MAGI3: variants seen among roughly 807,000 people sequenced by gnomAD.
MAGI3 encodes the protein membrane associated guanylate kinase, WW and PDZ domain containing 3.
In MAGI3, 43 loss-of-function variants were observed where a neutral mutation model predicts 121.8. That is an observed-to-expected ratio of 0.35 (90% CI 0.28 to 0.46). The LOEUF is 0.46. MAGI3 is among the 20% of genes least tolerant of loss of function. MAGI3 has a pLI of 1.00. For missense variants in MAGI3, 1,547 were observed against 1,797.3 expected (o/e 0.86, Z 2.52); for synonymous variants, 553 against 639.3 (o/e 0.86, Z 2.04).
Position 113,641,920 on chromosome 1 carries a change from T to G in MAGI3, c.1370T>G (p.Ile457Ser). 1 of 1,581,584 alleles carries G rather than the reference T, an allele frequency of 6.3e-7. No individual in the cohort carries two copies. Among genetic ancestry groups the G allele is most frequent in the Non-Finnish European group, 8.7e-7 (1 of 1,155,372 alleles). ...QDGKIAPGDVIVDINGNCVLG... is the reference protein window; with the variant it reads ...QDGKIAPGDVSVDINGNCVLG... ...GATTATGTTTTTCCAGGCGATGTTA[T>G]TGTAGACATCAATGGCAACTGTGTC... The change falls in exon 10 of 21, where the codon ATT becomes AGT. Residue 457 changes from isoleucine to serine, a missense_variant. Ile to Ser is a moderately radical substitution (Grantham distance 142). Transcript: ENST00000307546.
chr1:113,679,008 T>C (rs1441581072), intron 19 of MAGI3, among the ~76,000 whole-genome samples: 1 of 152,264 alleles, frequency 6.6e-6, no homozygotes, highest in Admixed American at 6.5e-5. Context: ...GAGTATTTGC[T>C]TTTTGGAATT....
chr1:113,398,998 A>G (rs1055674196), intron 1 of MAGI3, among the ~76,000 whole-genome samples: 1 of 152,204 alleles, frequency 6.6e-6, no homozygotes, highest in Non-Finnish European at 1.5e-5. Context: ...TAGGCTAAGA[A>G]GAAATTTATT....
intron 1 of MAGI3, among the ~76,000 whole-genome samples, chr1:113,401,888 T>G (rs993981122): frequency 1.3e-5 from 2 of 152,214 alleles, no homozygotes; most frequent in Non-Finnish European, 2.9e-5. Flanking sequence ...ATGGATCCTT[T>G]GAAGAGGCAG....
intron 2 of MAGI3, among the ~76,000 whole-genome samples, chr1:113,574,639 T>G (rs1382931712): frequency 6.6e-6 from 1 of 152,360 alleles, no homozygotes; most frequent in East Asian, 1.9e-4. Flanking sequence ...CATTTCAACC[T>G]TAGAGAATCT....
intron 9 of MAGI3, among the ~76,000 whole-genome samples, chr1:113,639,015 G>A (rs373094785): frequency 7.9e-5 from 12 of 152,354 alleles, no homozygotes; most frequent in East Asian, 1.9e-4. Context: ...GTGAGACTCC[G>A]TGGGCGTAGG....
intron 16 of MAGI3, among the ~76,000 whole-genome samples, chr1:113,670,462 C>A (rs941149939): frequency 6.6e-6 from 1 of 152,166 alleles, no homozygotes; most frequent in Non-Finnish European, 1.5e-5. Context: ...TATCTCTTAT[C>A]TTTAACATGA....
chr1:113,614,602 G>A lies in MAGI3; in HGVS notation c.1020G>A (p.Glu340=). 1 of 1,608,332 alleles carries A rather than the reference G, an allele frequency of 6.2e-7. No individual in the cohort carries two copies. The highest frequency in any genetic ancestry group is 1.1e-5 in the South Asian group (1 of 90,360). The stretch of plus-strand genomic sequence containing the variant: ...TCACTCAATTTTCTTTATTTACAGA[G>A]CTTCCTTATGGCTGGGAGAAAATAG... ...AKAPEDCEDG[E]LPYGWEKIED... is the part of the protein sequence containing the mutation. Residue 340 remains glutamate (E), a splice_region_variant and synonymous_variant, in exon 7 of 21, where the codon GAG becomes GAA. Transcript: ENST00000307546.
rs1411730661 is a variant in MAGI3, at chr1:113,646,551, G to A, written c.2064G>A (p.Met688Ile). The change falls in exon 12 of 21, where the codon ATG becomes ATA. Residue 688 changes from methionine to isoleucine, a missense_variant. By Grantham distance (10) the Met-to-Ile change is conservative. Coordinates refer to ENST00000307546, the MANE Select transcript of MAGI3 (RefSeq NM_001142782.2). ...EAINEPIPQP[M>I]PFPPSIIRSG... ...TAAATGAGCCTATTCCTCAGCCTAT[G>A]CCTTTTCCACCGAGCATTATCAGGT... 6.2e-7 allele frequency: 1 copy of A among 1,613,354 alleles called. No individual in the cohort carries two copies. The highest frequency in any genetic ancestry group is 2.2e-5 in the East Asian group (1 of 44,854).
chr1:113,541,725 T>C (rs1347505316), intron 1 of MAGI3, among the ~76,000 whole-genome samples: 1 of 152,184 alleles, frequency 6.6e-6, no homozygotes, highest in Non-Finnish European at 1.5e-5. Flanking sequence ...ATGTTGATAG[T>C]TGTTAGCTTA....
chr1:113,486,690 CA>C (rs1423156873), intron 1 of MAGI3, among the ~76,000 whole-genome samples: 2 of 128,946 alleles, frequency 1.6e-5, no homozygotes, highest in African/African-American at 2.8e-5. Flanking sequence ...CTTGCGATTT[CA>C]CCCAATCTAG....
chr1:113,617,361 A>T (rs1027297485), intron 7 of MAGI3, among the ~76,000 whole-genome samples: 1 of 152,162 alleles, frequency 6.6e-6, no homozygotes, highest in Non-Finnish European at 1.5e-5. Context: ...TATTTCCCAC[A>T]GCTAGTTATT....
intron 2 of MAGI3, among the ~76,000 whole-genome samples, chr1:113,580,289 T>C (rs1647928036): frequency 2.0e-5 from 3 of 151,946 alleles, no homozygotes; most frequent in African/African-American, 7.3e-5. Context: ...ACATTTATGC[T>C]AGAGATGAAA....
At chr1:113,589,441 T>A (rs768857238) in intron 4 of MAGI3, among the ~76,000 whole-genome samples, 8 of 151,934 alleles carry the variant, frequency 5.3e-5, no homozygotes, top group Non-Finnish European at 8.8e-5. Flanking sequence ...TTAAGCAGAG[T>A]TCTGATTTAG....
At chr1:113,459,097 C>T (rs1654907397) in intron 1 of MAGI3, among the ~76,000 whole-genome samples, 1 of 152,032 alleles carries the variant, frequency 6.6e-6, no homozygotes, top group Non-Finnish European at 1.5e-5. Flanking sequence ...AAATGAATCT[C>T]TTAATATGTT....
In MAGI3 at chr1:113,685,847, A is replaced by G. The variant is rs965230869; in HGVS notation, c.*1833A>G. The G allele has an allele frequency of 2.6e-5, 4 of 152,304 alleles. No individual in the cohort carries two copies. Among genetic ancestry groups the G allele is most frequent in the African/African-American group, 9.7e-5 (4 of 41,442 alleles). 9.4% of individuals were successfully genotyped at this position (152,304 alleles called of 1,614,324 possible). Reference sequence around the variant, plus strand: ...TTTATATATTGTACAGTACCTTTATATATACACTTGAGGTTCTGATTAGAG... The same window carrying G: ...TTTATATATTGTACAGTACCTTTATGTATACACTTGAGGTTCTGATTAGAG... On this transcript the variant is annotated 3_prime_UTR_variant, in exon 21 of 21. Transcript: ENST00000307546.
intron 1 of MAGI3, among the ~76,000 whole-genome samples, chr1:113,461,238 A>T (rs1655016944): frequency 6.6e-6 from 1 of 152,212 alleles, no homozygotes; most frequent in African/African-American, 2.4e-5. Context: ...ACTAGTTTAA[A>T]ACCCTTACGG....
chr1:113,675,681 C>CT (rs1339750095), intron 19 of MAGI3, among the ~76,000 whole-genome samples: 1 of 152,080 alleles, frequency 6.6e-6, no homozygotes, highest in Non-Finnish European at 1.5e-5. Context: ...AATTAGTGGA[C>CT]TAGATAAAAT....
intron 2 of MAGI3, among the ~76,000 whole-genome samples, chr1:113,569,227 A>G (rs993045816): frequency 1.3e-5 from 2 of 152,198 alleles, no homozygotes; most frequent in Non-Finnish European, 2.9e-5. Context: ...ATGGCAGTGT[A>G]TATGATACCT....
In MAGI3 at chr1:113,515,213, T is replaced by C. The variant is rs183551730; in HGVS notation, c.317-34302T>C. ...GCAGCAAACTTCCAAAGGCCTTTGA[T>C]GTTTGCCATTTTGTTGTGATAGTTA... is the stretch of plus-strand genomic sequence containing the variant. On this transcript the variant is annotated intron_variant, in intron 1 of 20. Transcript: ENST00000307546. Among the ~76,000 whole-genome samples, 335 of 152,192 alleles carry C rather than the reference T, an allele frequency of 2.2e-3. 2 individuals are homozygous for C. Among genetic ancestry groups the C allele is most frequent in the African/African-American group, 7.8e-3 (324 of 41,536 alleles).
Sources: allele counts gnomAD v4.1 joint callset (sites outside exome capture counted in the v4.1 genomes callset), GRCh38; gene constraint gnomAD v4.1.1; transcripts MANE v1.5; gene names NCBI Gene and HGNC (gene_info 2026-07-23, HGNC 2026-07-21).